The following PPP1R36 variants were observed in gnomAD, a reference collection of about 807,000 sequenced individuals.
The protein encoded by PPP1R36 is protein phosphatase 1 regulatory subunit 36.
PPP1R36 carries 47 observed loss-of-function variants against 53.4 expected under a neutral mutation model. The observed-to-expected ratio is 0.88, with a 90% confidence interval of 0.70 to 1.12. The LOEUF is 1.12. Among genes scored for constraint, PPP1R36 ranks in the 50% most tolerant of loss-of-function variants. The probability of loss-of-function intolerance (pLI) is 0.00; values close to 1 mark genes in which losing one functional copy is unlikely to be tolerated. For missense variants in PPP1R36, 456 were observed against 513.9 expected (o/e 0.89, Z 1.09); for synonymous variants, 153 against 170.5 (o/e 0.90, Z 0.80).
intron 8 of PPP1R36, among the ~76,000 whole-genome samples, chr14:64,583,774 A>T (rs1465612657): frequency 7.3e-6 from 1 of 137,414 alleles, no homozygotes; most frequent in Non-Finnish European, 1.5e-5. Context: ...AGATCGTGCC[A>T]TTGCACTCCA....
chr14:64,550,401 T>G, intron 1 of PPP1R36: 1 of 594,986 alleles, frequency 1.7e-6, no homozygotes, highest in Non-Finnish European at 2.3e-6. Flanking sequence ...TGGTGGGTGC[T>G]AGCTTCCACG....
At chr14:64,576,282 T>C (rs1387876562) in intron 8 of PPP1R36, among the ~76,000 whole-genome samples, 1 of 151,706 alleles carries the variant, frequency 6.6e-6, no homozygotes, top group Non-Finnish European at 1.5e-5. Flanking sequence ...GGTTTCACCA[T>C]ATTGGTCAGG....
At chr14:64,576,935 T>C (rs2080346169) in intron 8 of PPP1R36, among the ~76,000 whole-genome samples, 1 of 152,226 alleles carries the variant, frequency 6.6e-6, no homozygotes, top group Non-Finnish European at 1.5e-5. Context: ...CTGTTGCACC[T>C]GAATCCACCA....
chr14:64,584,717 T>G (rs533087218), intron 8 of PPP1R36, among the ~76,000 whole-genome samples: 1 of 152,236 alleles, frequency 6.6e-6, no homozygotes, highest in Non-Finnish European at 1.5e-5. Context: ...TATATGTCTT[T>G]GGACTTAAGT....
intron 10 of PPP1R36, among the ~76,000 whole-genome samples, chr14:64,587,708 C>A (rs751605100): frequency 6.6e-6 from 1 of 151,612 alleles, no homozygotes; most frequent in Admixed American, 6.6e-5. Context: ...CTGATTCACA[C>A]GCCTCAGCCT....
At position 64,588,264 on chromosome 14, in the gene PPP1R36, G is replaced by A. The variant is rs147430504; in HGVS notation, c.1051G>A (p.Val351Met). 5.6e-6 allele frequency: 9 copies of A among 1,613,428 alleles called. No homozygotes were observed. The highest frequency in any genetic ancestry group is 6.8e-6 in the Non-Finnish European group (8 of 1,179,554). The part of the protein sequence containing the change: ...VRFPAEMQKH[V>M]GTLDSVPMPV... ...ATTCCCAGCCGAGATGCAAAAGCAT[G>A]TGGGAACTCTGGACTCTGTGCCCAT... The change falls in exon 11 of 12, where the codon GTG (valine) becomes ATG (methionine). Residue 351 changes from valine to methionine, a missense_variant. Coordinates refer to ENST00000298705, the MANE Select transcript of PPP1R36 (RefSeq NM_172365.3).
chr14:64,560,824 C>G (rs2080200369), intron 3 of PPP1R36, among the ~76,000 whole-genome samples: 1 of 152,098 alleles, frequency 6.6e-6, no homozygotes, highest in Non-Finnish European at 1.5e-5. Context: ...TGACAGTGTT[C>G]AATAGACTGA....
At chr14:64,554,044 C>T (rs185470147) in intron 3 of PPP1R36, among the ~76,000 whole-genome samples, 192 of 151,218 alleles carry the variant, frequency 1.3e-3, no homozygotes, top group Non-Finnish European at 1.6e-3. Flanking sequence ...TAGAGGAAGG[C>T]AGACCCTTGT....
chr14:64,550,881 A>C (rs763298024), intron 1 of PPP1R36, 40 bp from the exon 2 acceptor site: 1 of 1,457,190 alleles, frequency 6.9e-7, no homozygotes, highest in South Asian at 1.2e-5. Flanking sequence ...TTGTAAATTG[A>C]GCTTTTAATT....
At chr14:64,565,598 C>G in intron 5 of PPP1R36, 28 bp from the exon 6 acceptor site, 1 of 1,595,810 alleles carries the variant, frequency 6.3e-7, no homozygotes. Flanking sequence ...CTTTGTCCCT[C>G]TCTCAATTGT....
At chr14:64,562,049 A>G (rs970148410) in intron 3 of PPP1R36, 8 of 308,912 alleles carry the variant, frequency 2.6e-5, no homozygotes, top group African/African-American at 1.3e-4. Context: ...TGACATGATT[A>G]TATTGTAATA....
intron 10 of PPP1R36, 124 bp from the exon 11 acceptor site, chr14:64,587,980 G>A: frequency 1.1e-6 from 1 of 915,194 alleles, no homozygotes; most frequent in East Asian, 2.6e-5. Flanking sequence ...CTGGGCTCAA[G>A]TGATCCTCCC....
rs374680889 is a variant in PPP1R36 at position 64,587,318 on chromosome 14, G to A, written c.836G>A (p.Arg279His). ...ATGTTCAACATTCCTCGCAGGAGGCGTGAAGATGAGGAATCAGGAGGGGAA... is the reference window on the plus strand; with the variant it reads ...ATGTTCAACATTCCTCGCAGGAGGCATGAAGATGAGGAATCAGGAGGGGAA... Reference protein sequence around the residue: ...TNMFNIPRRRREDEESGGEKK... With the variant: ...TNMFNIPRRRHEDEESGGEKK... The change falls in exon 10 of 12, where the codon CGT becomes CAT. Residue 279 changes from arginine to histidine, a missense_variant. Arg to His is a conservative substitution (Grantham distance 29). Transcript: ENST00000298705. The A allele has an allele frequency of 4.3e-5, 69 of 1,613,724 alleles. No homozygotes were observed. Among genetic ancestry groups the A allele is most frequent in the East Asian group, 2.5e-4 (11 of 44,896 alleles).
chr14:64,565,439 C>T lies in PPP1R36; in HGVS notation c.352C>T (p.Leu118=). The stretch of plus-strand genomic sequence containing the variant: ...ACGAGGTCAACAGGGCACCATTACA[C>T]TGGATGATGTTAAATGTGAGTAACT... The part of the protein sequence containing the change: ...EKRGQQGTIT[L]DDVKFVTLLL... The change falls in exon 5 of 12, where the codon CTG becomes TTG. Residue 118 remains leucine, a synonymous_variant. Coordinates refer to ENST00000298705, the MANE Select transcript of PPP1R36 (RefSeq NM_172365.3). The T allele has an allele frequency of 6.2e-7, 1 of 1,610,982 alleles. No homozygotes were observed. The highest frequency in any genetic ancestry group is 2.2e-5 in the East Asian group (1 of 44,830).
chr14:64,584,870 T>C (rs2080418733), intron 8 of PPP1R36, among the ~76,000 whole-genome samples: 1 of 152,208 alleles, frequency 6.6e-6, no homozygotes, highest in South Asian at 2.1e-4. Flanking sequence ...GGATCATACA[T>C]GTAAAGGGCT....
At chr14:64,558,963 T>A (rs561177570) in intron 3 of PPP1R36, among the ~76,000 whole-genome samples, 2 of 152,224 alleles carry the variant, frequency 1.3e-5, no homozygotes, top group African/African-American at 2.4e-5. Flanking sequence ...ATCAGTAGGT[T>A]TACCAGTGAA....
In PPP1R36 at chr14:64,556,689, G is replaced by A. The variant is rs972119525; in HGVS notation, c.182+3828G>A. Among the ~76,000 whole-genome samples the A allele has an allele frequency of 5.4e-5, 8 of 148,626 alleles. No homozygotes were observed. The Admixed American group carries it at 5.4e-4, about 10-fold the overall frequency. ...CTTGGGATGCTGAGGTGGGAGGATT[G>A]AGGCTGTGGTGAGTCATGATTGCGC... On this transcript the variant is annotated intron_variant, in intron 3 of 11. Transcript: ENST00000298705.
intron 6 of PPP1R36, among the ~76,000 whole-genome samples, chr14:64,567,386 A>G (rs1251467998): frequency 6.6e-6 from 1 of 152,236 alleles, no homozygotes; most frequent in Non-Finnish European, 1.5e-5. Flanking sequence ...AATACCCACA[A>G]TAGAAAACTA....
intron 1 of PPP1R36, chr14:64,550,397 GT>G (rs1201451904): frequency 4.6e-6 from 3 of 646,838 alleles, no homozygotes; most frequent in Non-Finnish European, 6.3e-6. Flanking sequence ...AGGCTGGTGG[GT>G]GCTAGCTTCC....
Sources: gnomAD v4.1 joint callset for allele counts (sites outside exome capture counted in the v4.1 genomes callset) on GRCh38, gnomAD v4.1.1 for gene constraint, MANE v1.5 for transcripts, NCBI Gene and HGNC (gene_info 2026-07-23, HGNC 2026-07-21) for gene names.